Variants in LRMDA observed in about 807,000 individuals in gnomAD.
The protein encoded by LRMDA is leucine rich melanocyte differentiation associated, also known as leucine-rich melanocyte differentiation-associated protein.
In LRMDA, 18 loss-of-function variants were observed where a neutral mutation model predicts 29.8. The ratio of observed to expected loss-of-function variants is 0.60; its 90% CI spans 0.42 to 0.90. LRMDA has a LOEUF of 0.90. LRMDA is among the 40% of genes least tolerant of loss of function. The probability of loss-of-function intolerance (pLI) is 0.00; values close to 1 mark genes in which losing one functional copy is unlikely to be tolerated. For missense variants in LRMDA, 273 were observed against 273.9 expected (o/e 1.00, Z 0.02); for synonymous variants, 125 against 109.4 (o/e 1.14, Z -0.89).
chr10:75,726,561 A>T (rs1842633435), intron 2 of LRMDA, among the ~76,000 whole-genome samples: 1 of 152,140 alleles, frequency 6.6e-6, no homozygotes. Flanking sequence ...AAAGGGAAAA[A>T]CACTCATTTC....
intron 2 of LRMDA, among the ~76,000 whole-genome samples, chr10:75,659,125 G>A (rs942241504): frequency 5.9e-5 from 9 of 152,212 alleles, no homozygotes; most frequent in East Asian, 3.9e-4. Flanking sequence ...GCACATTGCC[G>A]ACACAAAGTG....
chr10:75,988,147 G>C (rs1254045397), intron 2 of LRMDA, among the ~76,000 whole-genome samples: 12 of 152,174 alleles, frequency 7.9e-5, no homozygotes. Context: ...CCAAATGCTG[G>C]TAAAATATGG....
chr10:76,057,851 A>G (rs1278928679), intron 4 of LRMDA, among the ~76,000 whole-genome samples: 1 of 152,250 alleles, frequency 6.6e-6, no homozygotes, highest in Non-Finnish European at 1.5e-5. Flanking sequence ...GTATAGACAC[A>G]TGTCCATACC....
chr10:75,920,134 A>G (rs1654644772), intron 2 of LRMDA, among the ~76,000 whole-genome samples: 1 of 151,976 alleles, frequency 6.6e-6, no homozygotes, highest in Non-Finnish European at 1.5e-5. Flanking sequence ...TAGGCCTAGT[A>G]AGTACATTGT....
intron 2 of LRMDA, among the ~76,000 whole-genome samples, chr10:76,032,634 A>T (rs965091966): frequency 6.6e-6 from 1 of 152,106 alleles, no homozygotes; most frequent in African/African-American, 2.4e-5. Context: ...AGGTAAGAGG[A>T]TGGTACCTGT....
chr10:75,711,135 A>G (rs1842430982), intron 2 of LRMDA, among the ~76,000 whole-genome samples: 1 of 152,254 alleles, frequency 6.6e-6, no homozygotes, highest in Admixed American at 6.5e-5. Context: ...CTTTGGATCA[A>G]GAGACTGATT....
At chr10:75,901,228 G>A (rs527926872) in intron 2 of LRMDA, among the ~76,000 whole-genome samples, 16 of 152,288 alleles carry the variant, frequency 1.1e-4, no homozygotes, top group South Asian at 6.2e-4. Context: ...ATGGAAGTGG[G>A]ACAGATTTAT....
intron 6 of LRMDA, among the ~76,000 whole-genome samples, chr10:76,343,144 C>T (rs1376339989): frequency 6.6e-6 from 1 of 152,192 alleles, no homozygotes; most frequent in African/African-American, 2.4e-5. Flanking sequence ...TTTTGCATAA[C>T]ATGGAGCTGA....
At chr10:75,927,376 C>T (rs1846137694) in intron 2 of LRMDA, among the ~76,000 whole-genome samples, 1 of 152,178 alleles carries the variant, frequency 6.6e-6, no homozygotes. Flanking sequence ...TTCTCCTTCA[C>T]TTGTTCGTTC....
chr10:75,462,238 A>G (rs546991853), intron 2 of LRMDA, among the ~76,000 whole-genome samples: 1 of 152,352 alleles, frequency 6.6e-6, no homozygotes, highest in South Asian at 2.1e-4. Flanking sequence ...TAGCTTACTC[A>G]TCTGTCTTTT....
intron 5 of LRMDA, among the ~76,000 whole-genome samples, chr10:76,320,806 C>A (rs539444217): frequency 6.6e-6 from 1 of 152,290 alleles, no homozygotes; most frequent in South Asian, 2.1e-4. Flanking sequence ...TCACACTAGC[C>A]CCAGTCCTAC....
intron 2 of LRMDA, among the ~76,000 whole-genome samples, chr10:75,922,204 C>T (rs1289094957): frequency 6.6e-6 from 1 of 152,170 alleles, no homozygotes; most frequent in Non-Finnish European, 1.5e-5. Flanking sequence ...AATTTCCTCC[C>T]TTTCTGGAAA....
intron 6 of LRMDA, among the ~76,000 whole-genome samples, chr10:76,530,431 T>C (rs951199094): frequency 3.9e-5 from 6 of 152,194 alleles, no homozygotes; most frequent in Non-Finnish European, 7.3e-5. Context: ...TTTAGATCCA[T>C]TTTATAGGCA....
chr10:75,784,150 A>C (rs1843430928), intron 2 of LRMDA, among the ~76,000 whole-genome samples: 1 of 152,192 alleles, frequency 6.6e-6, no homozygotes. Context: ...GTTGGGATTA[A>C]AAGTAGGACT....
In LRMDA at chr10:76,499,073, A is replaced by G. The variant is rs1359565291; in HGVS notation, c.602-58136A>G. 5.3e-5 allele frequency among the ~76,000 whole-genome samples: 4 copies of G among 75,908 alleles called. 2 individuals are homozygous for G. The highest frequency in any genetic ancestry group is 1.8e-4 in the Non-Finnish European group (4 of 22,814). The allele number at this position is 75,908 out of a possible 152,430, so 49.8% of individuals were successfully genotyped here. ...TTGCTATGTACCAGGCACTGTTGAAAAGAAAAATAACTTTACTGAGATATA... is the reference window on the plus strand; with the variant it reads ...TTGCTATGTACCAGGCACTGTTGAAGAGAAAAATAACTTTACTGAGATATA... On this transcript the variant is annotated intron_variant, in intron 6 of 6. Transcript: ENST00000611255.
chr10:75,487,913 C>T (rs1366220260), intron 2 of LRMDA, among the ~76,000 whole-genome samples: 1 of 152,210 alleles, frequency 6.6e-6, no homozygotes, highest in Admixed American at 6.5e-5. Context: ...GTTTGAGCTA[C>T]TTCTGCTATT....
chr10:76,177,565 T>C (rs916091639), intron 5 of LRMDA, among the ~76,000 whole-genome samples: 3 of 152,184 alleles, frequency 2.0e-5, no homozygotes, highest in African/African-American at 7.2e-5. Context: ...TAAATCTTCT[T>C]TATCAGTTGT....
At chr10:76,156,188 T>C (rs771696767) in intron 5 of LRMDA, among the ~76,000 whole-genome samples, 1 of 152,170 alleles carries the variant, frequency 6.6e-6, no homozygotes, top group Admixed American at 6.5e-5. Flanking sequence ...AATGGGGCTC[T>C]TTAGTTTACC....
intron 6 of LRMDA, among the ~76,000 whole-genome samples, chr10:76,510,350 C>T (rs1282040435): frequency 1.3e-5 from 2 of 152,126 alleles, no homozygotes; most frequent in South Asian, 2.1e-4. Context: ...GGATTACAGG[C>T]GTGAGCCACC....
Sources: gnomAD v4.1 joint callset for allele counts (sites outside exome capture counted in the v4.1 genomes callset) on GRCh38, gnomAD v4.1.1 for gene constraint, MANE v1.5 for transcripts, NCBI Gene and HGNC (gene_info 2026-07-23, HGNC 2026-07-21) for gene names.